PTPRQ: variants seen among roughly 807,000 people sequenced by gnomAD.
PTPRQ encodes the protein protein tyrosine phosphatase receptor type Q.
Under a neutral mutation model 246.0 loss-of-function variants are expected in PTPRQ, and 199 were observed. That is an observed-to-expected ratio of 0.81 (90% CI 0.72 to 0.91). The LOEUF (loss-of-function observed/expected upper bound fraction) is 0.91, where lower values mean the gene tolerates loss of function less well. Ranked by LOEUF, PTPRQ falls within the 40% of genes least tolerant of loss-of-function variation. The pLI, the probability that PTPRQ is intolerant of heterozygous loss-of-function variation, is 0.00. For missense variants in PTPRQ, 2,624 were observed against 2,528.4 expected, an observed-to-expected ratio of 1.04 and a Z score of -0.81; for synonymous variants, 869 against 853.2, an observed-to-expected ratio of 1.02 and a Z score of -0.32.
chr12:80,627,835 T>C (rs1487440999), intron 33 of PTPRQ, among the ~76,000 whole-genome samples: 1 of 152,184 alleles, frequency 6.6e-6, no homozygotes, highest in Admixed American at 6.6e-5. Flanking sequence ...CATTCTCTAC[T>C]GTTAATGCTC....
At chr12:80,489,615 C>A (rs1894383085) in intron 9 of PTPRQ, among the ~76,000 whole-genome samples, 1 of 151,896 alleles carries the variant, frequency 6.6e-6, no homozygotes, top group Non-Finnish European at 1.5e-5. Flanking sequence ...TGTCAAGGAT[C>A]CTCTTACTCA....
Position 80,445,707 on chromosome 12 carries a change from A to T in PTPRQ, c.380A>T (p.Tyr127Phe). 1 of 1,531,880 alleles carries T rather than the reference A, an allele frequency of 6.5e-7. No individual in the cohort carries two copies. The highest frequency in any genetic ancestry group is 8.9e-7 in the Non-Finnish European group (1 of 1,129,420). 94.9% of individuals were successfully genotyped at this position (1,531,880 alleles called of 1,614,324 possible). A position where few individuals can be genotyped will look rare whatever the true frequency, so the allele number is the denominator to read the frequency against. The change falls in exon 3 of 45, where the codon TAT becomes TTT. Residue 127 changes from tyrosine to phenylalanine, a missense_variant. Transcript: ENST00000644991. ...LLTNLNPGTT[Y>F]EIKVAAENSA... The stretch of plus-strand genomic sequence containing the variant: ...ACTAATCTTAATCCTGGAACAACAT[A>T]TGAAATTAAGGTAATTATTTTGTGT...
intron 34 of PTPRQ, among the ~76,000 whole-genome samples, chr12:80,633,878 G>T (rs1304482281): frequency 6.6e-6 from 1 of 152,152 alleles, no homozygotes; most frequent in African/African-American, 2.4e-5. Flanking sequence ...TGAACTCCTT[G>T]TGTGAGTAGG....
At chr12:80,478,666 C>A (rs980596435) in intron 8 of PTPRQ, among the ~76,000 whole-genome samples, 1 of 152,062 alleles carries the variant, frequency 6.6e-6, no homozygotes, top group East Asian at 1.9e-4. Flanking sequence ...ATAACCAATA[C>A]AGAGAAGTGC....
At chr12:80,670,198 CTT>C in intron 41 of PTPRQ, 144 bp from the exon 42 acceptor site, 1 of 1,187,508 alleles carries the variant, frequency 8.4e-7, no homozygotes, top group Non-Finnish European at 1.2e-6. Flanking sequence ...AAAAATCTCT[CTT>C]ATAGGAAATA....
chr12:80,673,279 A>C lies in PTPRQ; in HGVS notation c.6713A>C (p.Glu2238Ala), dbSNP rs778601382. ...IYGLVAELRSERMCMVQNLAQ... is the reference protein window; with the variant it reads ...IYGLVAELRSARMCMVQNLAQ... ...GGACTAGTAGCTGAACTGAGAAGTGAAAGAATGTGCATGGTGCAGAATCTG... is the reference window on the plus strand; with the variant it reads ...GGACTAGTAGCTGAACTGAGAAGTGCAAGAATGTGCATGGTGCAGAATCTG... Residue 2238 changes from glutamate to alanine, a missense_variant, in exon 43 of 45, where the codon GAA (glutamate) becomes GCA (alanine). Glu to Ala is a moderately radical substitution (Grantham distance 107, BLOSUM62 -1). Coordinates refer to ENST00000644991, the MANE Select transcript of PTPRQ (RefSeq NM_001145026.2). 1 of 1,550,366 alleles carries C rather than the reference A, an allele frequency of 6.5e-7. No individual in the cohort carries two copies. The highest frequency in any genetic ancestry group is 8.7e-7 in the Non-Finnish European group (1 of 1,146,170).
intron 17 of PTPRQ, among the ~76,000 whole-genome samples, chr12:80,527,602 T>TA (rs1439605199): frequency 1.3e-5 from 2 of 152,026 alleles, no homozygotes; most frequent in African/African-American, 4.8e-5. Context: ...ATAAGTAATT[T>TA]AAAATACAGA....
At chr12:80,479,305 A>C (rs7974002) in intron 8 of PTPRQ, among the ~76,000 whole-genome samples, 8,940 of 148,558 alleles carry the variant, frequency 0.06, 647 homozygotes, top group African/African-American at 0.18. Context: ...GAAATAAAAT[A>C]CTTTACAGAC....
At chr12:80,554,912 TTTTG>T (rs554667745) in intron 25 of PTPRQ, among the ~76,000 whole-genome samples, 9 of 152,118 alleles carry the variant, frequency 5.9e-5, no homozygotes, top group South Asian at 4.2e-4. Context: ...CCAGCTTATT[TTTTG>T]TTTGTTTGTT....
chr12:80,498,452 A>G (rs532389330), intron 14 of PTPRQ, among the ~76,000 whole-genome samples: 178 of 152,216 alleles, frequency 1.2e-3, no homozygotes, highest in African/African-American at 3.6e-3. Flanking sequence ...AGTGTAGAAG[A>G]AAAGGATTTC....
At chr12:80,537,508 A>G (rs1430987146) in intron 19 of PTPRQ, among the ~76,000 whole-genome samples, 3 of 152,232 alleles carry the variant, frequency 2.0e-5, no homozygotes, top group African/African-American at 4.8e-5. Context: ...GTCTTCTGCA[A>G]CTATGTCAGA....
chr12:80,672,229 A>T (rs1160223558), intron 42 of PTPRQ, among the ~76,000 whole-genome samples: 1 of 151,504 alleles, frequency 6.6e-6, no homozygotes, highest in Non-Finnish European at 1.5e-5. Flanking sequence ...GGGACTTTGC[A>T]TTGTTCACTG....
intron 30 of PTPRQ, among the ~76,000 whole-genome samples, 190 bp downstream of exon 30, chr12:80,616,456 T>C (rs1640371931): frequency 1.3e-5 from 2 of 151,070 alleles, no homozygotes; most frequent in East Asian, 3.9e-4. Flanking sequence ...TGAATTACCA[T>C]GTTAAATAAG....
chr12:80,514,582 ATT>A (rs543613269), intron 17 of PTPRQ, among the ~76,000 whole-genome samples: 171 of 141,730 alleles, frequency 1.2e-3, no homozygotes, highest in African/African-American at 4.3e-3. Context: ...AAATATATAT[ATT>A]ATATAATATA....
At chr12:80,459,034 T>A (rs11114456) in intron 4 of PTPRQ, among the ~76,000 whole-genome samples, 1 of 151,930 alleles carries the variant, frequency 6.6e-6, no homozygotes, top group African/African-American at 2.4e-5. Flanking sequence ...TGATTGAATT[T>A]TTTTCATACT....
chr12:80,604,605 T>A (rs1898249622), intron 26 of PTPRQ, among the ~76,000 whole-genome samples: 2 of 151,564 alleles, frequency 1.3e-5, no homozygotes, highest in Non-Finnish European at 1.5e-5. Context: ...AATTTACATT[T>A]GTAAAACAAT....
chr12:80,669,090 A>C lies in PTPRQ; in HGVS notation c.6276A>C (p.Glu2092Asp). The C allele has an allele frequency of 5.8e-6, 9 of 1,550,680 alleles. No individual in the cohort carries two copies. Among genetic ancestry groups the C allele is most frequent in the Non-Finnish European group, 7.9e-6 (9 of 1,146,124 alleles). The change falls in exon 40 of 45, where the codon GAA becomes GAC. Residue 2092 changes from glutamate (E) to aspartate (D), a missense_variant. Coordinates refer to ENST00000644991, the MANE Select transcript of PTPRQ (RefSeq NM_001145026.2). Reference protein sequence around the residue: ...TVGDFWRMVWETRAKTLVMLT... With the variant: ...TVGDFWRMVWDTRAKTLVMLT... ...GAGATTTTTGGAGAATGGTGTGGGA[A>C]ACCAGAGCAAAAACATTAGTAATGC...
rs927134968 is a variant in PTPRQ at position 80,542,171 on chromosome 12, G to C, written c.3528G>C (p.Lys1176Asn). ...SVLLSWDPPV[K>N]PNGAIISYDL... is the part of the protein sequence containing the mutation. ...TCTTATCATGGGATCCCCCAGTAAAGCCAAATGGTGCAATAATAAGTTATG... is the reference window on the plus strand; with the variant it reads ...TCTTATCATGGGATCCCCCAGTAAACCCAAATGGTGCAATAATAAGTTATG... The change falls in exon 22 of 45, where the codon AAG becomes AAC. Residue 1176 changes from lysine (K) to asparagine (N), a missense_variant. Coordinates refer to ENST00000644991, the MANE Select transcript of PTPRQ (RefSeq NM_001145026.2). 1 of 1,550,910 alleles carries C rather than the reference G, an allele frequency of 6.4e-7. No homozygotes were observed. The highest frequency in any genetic ancestry group is 2.0e-5 in the Admixed American group (1 of 50,956).
chr12:80,507,885 T>TA (rs2120704798), intron 16 of PTPRQ, among the ~76,000 whole-genome samples: 1 of 152,168 alleles, frequency 6.6e-6, no homozygotes, highest in African/African-American at 2.4e-5. Context: ...TTTTCTATCT[T>TA]ATGTAATACC....
Sources: gnomAD v4.1 joint callset for allele counts (sites outside exome capture counted in the v4.1 genomes callset) on GRCh38, gnomAD v4.1.1 for gene constraint, MANE v1.5 for transcripts, NCBI Gene and HGNC (gene_info 2026-07-23, HGNC 2026-07-21) for gene names.